The following TRPC4 variants were observed in gnomAD, a reference collection of about 807,000 sequenced individuals.
TRPC4 encodes the protein short transient receptor potential channel 4.
Under a neutral mutation model 99.4 loss-of-function variants are expected in TRPC4, and 49 were observed. That is an observed-to-expected ratio of 0.49 (90% CI 0.39 to 0.63). The LOEUF (loss-of-function observed/expected upper bound fraction) is 0.63, where lower values mean the gene tolerates loss of function less well. TRPC4 is among the 20% of genes least tolerant of loss of function. TRPC4 has a pLI of 0.00. For missense variants in TRPC4, 898 were observed against 1,152.9 expected, an observed-to-expected ratio of 0.78 and a Z score of 3.20; for synonymous variants, 454 against 425.9, an observed-to-expected ratio of 1.07 and a Z score of -0.81.
intron 3 of TRPC4, among the ~76,000 whole-genome samples, chr13:37,719,203 T>A (rs756665868): frequency 2.2e-4 from 34 of 151,984 alleles, no homozygotes; most frequent in Non-Finnish European, 4.6e-4. Context: ...TCTTCAAGAA[T>A]GGAGATAAGT....
chr13:37,839,802 C>A (rs2139632031), intron 1 of TRPC4, among the ~76,000 whole-genome samples: 1 of 152,180 alleles, frequency 6.6e-6, no homozygotes, highest in Admixed American at 6.5e-5. Context: ...ATTGGGGTGG[C>A]TTCAGACAAG....
chr13:37,712,982 C>T (rs1373719923), intron 3 of TRPC4, among the ~76,000 whole-genome samples: 1 of 152,184 alleles, frequency 6.6e-6, no homozygotes, highest in African/African-American at 2.4e-5. Context: ...CACAAGCACC[C>T]TCTATGTCAG....
At chr13:37,709,513 T>C (rs1954403953) in intron 3 of TRPC4, among the ~76,000 whole-genome samples, 1 of 151,960 alleles carries the variant, frequency 6.6e-6, no homozygotes, top group Non-Finnish European at 1.5e-5. Flanking sequence ...ATAAATCACA[T>C]CCTCTTTCAT....
Position 37,835,399 on chromosome 13 carries a change from C to T in TRPC4, c.-28+34196G>A, listed in dbSNP as rs114779387. On this transcript the variant is annotated intron_variant, in intron 1 of 10. Transcript: ENST00000379705. ...ATGCTTGTTTCTGCTAAAGGCAACA[C>T]GCTTTACCTGCACTCTTGTCCAACA... 6.2e-3 allele frequency among the ~76,000 whole-genome samples: 940 copies of T among 152,280 alleles called. 17 individuals carry two copies. Among genetic ancestry groups the T allele is most frequent in the African/African-American group, 0.021 (880 of 41,536 alleles).
chr13:37,826,816 C>A (rs376173742), intron 1 of TRPC4, among the ~76,000 whole-genome samples: 1 of 152,080 alleles, frequency 6.6e-6, no homozygotes, highest in South Asian at 2.1e-4. Flanking sequence ...CTGAATGTTG[C>A]CCTGCCTTGC....
At chr13:37,743,674 G>T (rs1022992808) in intron 3 of TRPC4, among the ~76,000 whole-genome samples, 1 of 152,048 alleles carries the variant, frequency 6.6e-6, no homozygotes. Flanking sequence ...AGTTATTAAG[G>T]AAATTAATGC....
chr13:37,786,762 G>A, intron 1 of TRPC4, among the ~76,000 whole-genome samples: 1 of 152,024 alleles, frequency 6.6e-6, no homozygotes, highest in South Asian at 2.1e-4. Context: ...TCATTTCAAT[G>A]TCTCCTGTAT....
At position 37,849,647 on chromosome 13, in the gene TRPC4, C is replaced by G. The variant is rs548549922; in HGVS notation, c.-28+19948G>C. Among the ~76,000 whole-genome samples the G allele has an allele frequency of 3.7e-4, 57 of 152,292 alleles. No homozygotes were observed. The South Asian group carries it at 0.012, about 31-fold the overall frequency. ...CAACAGGATCTCATTGTGCCTAAAA[C>G]AGATCTTAAACTGGAAGGGATTGTG... On this transcript the variant is annotated intron_variant, in intron 1 of 10. Coordinates refer to ENST00000379705, the MANE Select transcript of TRPC4 (RefSeq NM_016179.4).
At chr13:37,722,932 T>C (rs1333557234) in intron 3 of TRPC4, among the ~76,000 whole-genome samples, 1 of 152,144 alleles carries the variant, frequency 6.6e-6, no homozygotes, top group African/African-American at 2.4e-5. Context: ...ATCACAAGGA[T>C]AAGCACAAGG....
chr13:37,784,146 T>C (rs1381789672), intron 1 of TRPC4, among the ~76,000 whole-genome samples: 1 of 152,152 alleles, frequency 6.6e-6, no homozygotes, highest in Non-Finnish European at 1.5e-5. Context: ...GAAAGACATG[T>C]ACTGAGAATA....
At chr13:37,735,236 A>G (rs1481192090) in intron 3 of TRPC4, among the ~76,000 whole-genome samples, 1 of 152,178 alleles carries the variant, frequency 6.6e-6, no homozygotes, top group Non-Finnish European at 1.5e-5. Context: ...TCTCACATGC[A>G]TAATTTATGA....
chr13:37,683,091 G>A (rs1392435503), intron 4 of TRPC4, among the ~76,000 whole-genome samples: 1 of 151,978 alleles, frequency 6.6e-6, no homozygotes, highest in East Asian at 1.9e-4. Flanking sequence ...GTGCTAAAAG[G>A]GAATACCAGA....
intron 4 of TRPC4, among the ~76,000 whole-genome samples, chr13:37,678,613 A>G (rs1953135663): frequency 6.6e-6 from 1 of 152,110 alleles, no homozygotes. Context: ...CTGGTAGTTA[A>G]TATCCTTCCA....
At chr13:37,807,441 G>A (rs1028920488) in intron 1 of TRPC4, among the ~76,000 whole-genome samples, 8 of 151,998 alleles carry the variant, frequency 5.3e-5, no homozygotes, top group African/African-American at 1.9e-4. Context: ...GATATTAATA[G>A]TATTGTTGCT....
At chr13:37,798,948 T>C (rs1211806375) in intron 1 of TRPC4, among the ~76,000 whole-genome samples, 2 of 150,604 alleles carry the variant, frequency 1.3e-5, no homozygotes, top group Non-Finnish European at 3.0e-5. Flanking sequence ...TTTTTTTTTT[T>C]TGAGACAGAG....
intron 3 of TRPC4, among the ~76,000 whole-genome samples, chr13:37,699,301 T>G (rs1208103250): frequency 6.6e-6 from 1 of 152,134 alleles, no homozygotes; most frequent in African/African-American, 2.4e-5. Context: ...CAAGGATATA[T>G]GTATATACAC....
intron 1 of TRPC4, among the ~76,000 whole-genome samples, chr13:37,852,237 G>T (rs535599839): frequency 2.0e-5 from 3 of 152,168 alleles, no homozygotes; most frequent in South Asian, 4.2e-4. Context: ...TTCTGCTTAG[G>T]GGGTGGAGAG....
At chr13:37,865,068 A>G (rs1445545685) in intron 1 of TRPC4, among the ~76,000 whole-genome samples, 1 of 151,764 alleles carries the variant, frequency 6.6e-6, no homozygotes, top group Non-Finnish European at 1.5e-5. Context: ...CCTCAATGTC[A>G]ATAGGTTTTG....
intron 2 of TRPC4, among the ~76,000 whole-genome samples, chr13:37,773,330 T>C (rs7990029): frequency 0.13 from 19,093 of 151,798 alleles, 2,441 homozygotes; most frequent in African/African-American, 0.33. Context: ...GCCGCAATTT[T>C]TTTATCCATA....
Sources: gnomAD v4.1 joint callset for allele counts (sites outside exome capture counted in the v4.1 genomes callset) on GRCh38, gnomAD v4.1.1 for gene constraint, MANE v1.5 for transcripts, NCBI Gene and HGNC (gene_info 2026-07-23, HGNC 2026-07-21) for gene names.